KIF20B: variants seen among roughly 807,000 people sequenced by gnomAD.
KIF20B encodes the protein kinesin-like protein KIF20B.
Under a neutral mutation model 232.5 loss-of-function variants are expected in KIF20B, and 188 were observed. The ratio of observed to expected loss-of-function variants is 0.81; its 90% CI spans 0.72 to 0.91. The LOEUF is 0.91. Ranked by LOEUF, KIF20B falls within the 40% of genes least tolerant of loss-of-function variation. The pLI is 0.00. For missense variants in KIF20B, 2,154 were observed against 2,055.9 expected (o/e 1.05, Z -0.92); for synonymous variants, 712 against 683.0 (o/e 1.04, Z -0.66).
At chr10:89,725,434 T>C (rs894390883) in intron 15 of KIF20B, among the ~76,000 whole-genome samples, 17 of 152,096 alleles carry the variant, frequency 1.1e-4, no homozygotes, top group African/African-American at 3.9e-4. Context: ...AGATTCTTTT[T>C]TGAGATTTGT....
Position 89,738,497 on chromosome 10 carries a change from A to C in KIF20B, c.3656A>C (p.Asn1219Thr), listed in dbSNP as rs1886997. Reference sequence around the variant, plus strand: ...TCTGTCAAAAACACCAAAGATTTAAATGTAAAGGAACTCAAGCTGAAAGAA... The same window carrying C: ...TCTGTCAAAAACACCAAAGATTTAACTGTAAAGGAACTCAAGCTGAAAGAA... ...QDSVKNTKDL[N>T]VKELKLKEEI... is the part of the protein sequence containing the mutation. The change falls in exon 20 of 33, where the codon AAT becomes ACT. Residue 1219 changes from asparagine to threonine, a missense_variant. Transcript: ENST00000371728. 6.2e-7 allele frequency: 1 copy of C among 1,604,030 alleles called. No individual in the cohort carries two copies. Among genetic ancestry groups the C allele is most frequent in the Non-Finnish European group, 8.5e-7 (1 of 1,175,054 alleles).
At chr10:89,707,580 T>C (rs1842751098) in intron 2 of KIF20B, among the ~76,000 whole-genome samples, 1 of 151,710 alleles carries the variant, frequency 6.6e-6, no homozygotes, top group Non-Finnish European at 1.5e-5. Context: ...CCCTTTTACC[T>C]TTCTTTTTCC....
rs1204606175 is a variant in KIF20B, at chr10:89,738,730, A to T, written c.3776+113A>T. On this transcript the variant is annotated intron_variant, in intron 20 of 32. Coordinates refer to ENST00000371728, the MANE Select transcript of KIF20B (RefSeq NM_001284259.2). ...AATCTGGTAAAGCGTAGCATGTATG[A>T]TGAGTGAAGAACTTGAACTTTGTCC... 3 of 1,312,066 alleles carry T rather than the reference A, an allele frequency of 2.3e-6. No individual in the cohort carries two copies. In the African/African-American group the frequency reaches 4.5e-5, roughly 20 times the overall value. The allele number at this position is 1,312,066 out of a possible 1,614,324, so 81.3% of individuals were successfully genotyped here.
rs1011285268 is a variant in KIF20B, at chr10:89,725,958, A to G, written c.2002-335A>G. Among the ~76,000 whole-genome samples, 5 of 152,312 alleles carry G rather than the reference A, an allele frequency of 3.3e-5. No homozygotes were observed. In the East Asian group the frequency reaches 9.6e-4, roughly 29 times the overall value. Reference sequence around the variant, plus strand: ...GGGATTGACTGAGTTGTGAAAATGTAGGTTTGTTTCATGCACTATCCCAAC... The same window carrying G: ...GGGATTGACTGAGTTGTGAAAATGTGGGTTTGTTTCATGCACTATCCCAAC... On this transcript the variant is annotated intron_variant, in intron 15 of 32. Coordinates refer to ENST00000371728, the MANE Select transcript of KIF20B (RefSeq NM_001284259.2).
At chr10:89,717,391 A>G in intron 9 of KIF20B, 33 bp from the exon 10 acceptor site, 1 of 1,340,774 alleles carries the variant, frequency 7.5e-7, no homozygotes, top group African/African-American at 1.5e-5. Flanking sequence ...GAAATTAAAA[A>G]TGATAAGATA....
Position 89,737,764 on chromosome 10 carries a change from A to G in KIF20B, c.2923A>G (p.Ile975Val), listed in dbSNP as rs199626794. 5.5e-5 allele frequency: 89 copies of G among 1,611,992 alleles called. No individual in the cohort carries two copies. The highest frequency in any genetic ancestry group is 2.0e-5 in the Non-Finnish European group (24 of 1,178,674). Reference sequence around the variant, plus strand: ...TGAGATAGAAACTGCTACAAGAAGCATTACAAATAATGTTTCACAAATAAA... The same window carrying G: ...TGAGATAGAAACTGCTACAAGAAGCGTTACAAATAATGTTTCACAAATAAA... ...SNEIETATRS[I>V]TNNVSQIKLM... The change falls in exon 20 of 33, where the codon ATT becomes GTT. Residue 975 changes from isoleucine (I) to valine (V), a missense_variant. By Grantham distance (29) the Ile-to-Val change is conservative (BLOSUM62 3). Coordinates refer to ENST00000371728, the MANE Select transcript of KIF20B (RefSeq NM_001284259.2).
Position 89,705,422 on chromosome 10 carries a change from T to C in KIF20B, c.128T>C (p.Leu43Ser). 3.1e-6 allele frequency: 5 copies of C among 1,614,004 alleles called. No homozygotes were observed. Among genetic ancestry groups the C allele is most frequent in the Non-Finnish European group, 4.2e-6 (5 of 1,179,926 alleles). Reference protein sequence around the residue: ...IKLDLSHEFSLVAPNTEANSF... With the variant: ...IKLDLSHEFSSVAPNTEANSF... ...CTTGATCTGTCTCATGAATTTTCCTTAGTTGCTCCAAATACTGAGGTAAGT... is the reference window on the plus strand; with the variant it reads ...CTTGATCTGTCTCATGAATTTTCCTCAGTTGCTCCAAATACTGAGGTAAGT... The change falls in exon 2 of 33, where the codon TTA becomes TCA. Residue 43 changes from leucine to serine, a missense_variant. Coordinates refer to ENST00000371728, the MANE Select transcript of KIF20B (RefSeq NM_001284259.2).
Position 89,738,424 on chromosome 10 carries a change from T to C in KIF20B, c.3583T>C (p.Leu1195=), listed in dbSNP as rs1164118371. 1.9e-6 allele frequency: 3 copies of C among 1,603,228 alleles called. No homozygotes were observed. The African/African-American group carries it at 4.1e-5, about 22-fold the overall frequency. ...CATTTTGGAAAAGGAATCTATCATC[T>C]TAAAGCTAGAAAGAAATTTGAAGGA... ...QDILEKESII[L]KLERNLKEFQ... Residue 1195 remains leucine (L), a synonymous_variant, in exon 20 of 33, where the codon TTA becomes CTA. Transcript: ENST00000371728.
chr10:89,717,036 C>G (rs1445657801), intron 9 of KIF20B, among the ~76,000 whole-genome samples: 2 of 152,064 alleles, frequency 1.3e-5, no homozygotes, highest in Admixed American at 6.6e-5. Flanking sequence ...GGGCATGGGA[C>G]AATACAAGAT....
At chr10:89,721,650 A>T (rs1843060127) in intron 13 of KIF20B, among the ~76,000 whole-genome samples, 1 of 152,116 alleles carries the variant, frequency 6.6e-6, no homozygotes, top group African/African-American at 2.4e-5. Context: ...GGCCTGGGTG[A>T]CAGAGTGAGA....
intron 13 of KIF20B, 154 bp from the exon 14 acceptor site, chr10:89,723,810 A>T: frequency 1.5e-6 from 1 of 683,962 alleles, no homozygotes; most frequent in Non-Finnish European, 2.1e-6. Context: ...ATCTTTGCAA[A>T]CATATAATTT....
chr10:89,737,347 A>G, intron 19 of KIF20B, 40 bp from the exon 20 acceptor site: 1 of 1,426,104 alleles, frequency 7.0e-7, no homozygotes, highest in Non-Finnish European at 9.2e-7. Flanking sequence ...TGGTTTTATT[A>G]AGGTTTGCCA....
At chr10:89,751,544 T>A (rs576534355) in intron 24 of KIF20B, 73 bp downstream of exon 24, 1 of 1,390,342 alleles carries the variant, frequency 7.2e-7, no homozygotes, top group Admixed American at 2.2e-5. Context: ...ATTTCTTCCC[T>A]TGTTAAAGTA....
Position 89,762,619 on chromosome 10 carries a change from C to G in KIF20B, c.4792-19C>G. On this transcript the variant is annotated intron_variant, in intron 28 of 32. Coordinates refer to ENST00000371728, the MANE Select transcript of KIF20B (RefSeq NM_001284259.2). The stretch of plus-strand genomic sequence containing the variant: ...GTATACTCTACAAATAATATTTTTC[C>G]TTTTACATTCTGTTGTAGGATGGAT... 1 of 1,576,034 alleles carries G rather than the reference C, an allele frequency of 6.3e-7. No homozygotes were observed. Among genetic ancestry groups the G allele is most frequent in the South Asian group, 1.1e-5 (1 of 88,838 alleles).
chr10:89,735,368 A>G (rs1327680599), intron 19 of KIF20B, among the ~76,000 whole-genome samples: 1 of 152,140 alleles, frequency 6.6e-6, no homozygotes, highest in Non-Finnish European at 1.5e-5. Flanking sequence ...AGATATAGGG[A>G]GTCTGCCATC....
At chr10:89,706,725 G>A (rs1842731532) in intron 2 of KIF20B, among the ~76,000 whole-genome samples, 1 of 151,646 alleles carries the variant, frequency 6.6e-6, no homozygotes, top group Non-Finnish European at 1.5e-5. Context: ...ACAAACGGCT[G>A]TGTATATGTG....
chr10:89,772,785 T>C lies in KIF20B; in HGVS notation c.5339T>C (p.Leu1780Ser), dbSNP rs770056634. The change falls in exon 32 of 33, where the codon TTA becomes TCA. Residue 1780 changes from leucine (L) to serine (S), a missense_variant. Transcript: ENST00000371728. ...VSQPKRAKRK[L>S]YTSEISSPID... The stretch of plus-strand genomic sequence containing the variant: ...CAACCAAAACGAGCCAAACGGAAAT[T>C]ATACACAAGTGAAATTTCATCTCCT... The C allele has an allele frequency of 5.6e-6, 9 of 1,610,610 alleles. No individual in the cohort carries two copies. The highest frequency in any genetic ancestry group is 3.3e-5 in the South Asian group (3 of 90,520).
intron 23 of KIF20B, among the ~76,000 whole-genome samples, chr10:89,750,175 T>C (rs575651081): frequency 6.6e-6 from 1 of 152,262 alleles, no homozygotes; most frequent in South Asian, 2.1e-4. Context: ...GAGTAGCCAT[T>C]AGTGAGGTTA....
intron 29 of KIF20B, 47 bp from the exon 30 acceptor site, chr10:89,768,242 TA>T (rs770047790): frequency 2.5e-6 from 3 of 1,198,878 alleles, no homozygotes; most frequent in Non-Finnish European, 2.4e-6. Flanking sequence ...TCTAGAGAAA[TA>T]AAATATTGTC....
Sources: allele counts gnomAD v4.1 joint callset (sites outside exome capture counted in the v4.1 genomes callset), GRCh38; gene constraint gnomAD v4.1.1; transcripts MANE v1.5; gene names NCBI Gene and HGNC (gene_info 2026-07-23, HGNC 2026-07-21).